The following ZMYM4 variants were observed in gnomAD, a reference collection of about 807,000 sequenced individuals.
ZMYM4 encodes the protein zinc finger MYM-type protein 4.
In ZMYM4, 31 loss-of-function variants were observed where a neutral mutation model predicts 183.2. The observed-to-expected ratio is 0.17, with a 90% CI of 0.13 to 0.23. The LOEUF (loss-of-function observed/expected upper bound fraction) is 0.23, where lower values mean the gene tolerates loss of function less well. Among genes scored for constraint, ZMYM4 ranks in the 10% least tolerant of loss-of-function variants. ZMYM4 has a pLI of 1.00. For synonymous variants in ZMYM4, 592 were observed against 631.2 expected (o/e 0.94, Z 0.93); for missense variants, 1,273 against 1,840.3 (o/e 0.69, Z 5.64).
rs138932582 is a variant in ZMYM4 at position 35,289,841 on chromosome 1, C to T, written c.39+20756C>T. On this transcript the variant is annotated intron_variant, in intron 1 of 29. Coordinates refer to ENST00000314607, the MANE Select transcript of ZMYM4 (RefSeq NM_005095.3). ...TGGTCCAGATACTTTTACCATATAT[C>T]CTAAAGACCTTTTTAGATTGTTGTA... 8.5e-5 allele frequency among the ~76,000 whole-genome samples: 13 copies of T among 152,216 alleles called. 2 individuals carry two copies. The highest frequency in any genetic ancestry group is 2.6e-4 in the African/African-American group (11 of 41,524).
intron 7 of ZMYM4, among the ~76,000 whole-genome samples, chr1:35,374,539 C>G (rs182803717): frequency 6.6e-6 from 1 of 151,888 alleles, no homozygotes; most frequent in African/African-American, 2.4e-5. Flanking sequence ...GTGGCATGCA[C>G]TTGTAGTCCC....
At chr1:35,337,352 A>C (rs1020315249) in intron 2 of ZMYM4, among the ~76,000 whole-genome samples, 6 of 151,914 alleles carry the variant, frequency 3.9e-5, no homozygotes, top group Non-Finnish European at 8.8e-5. Context: ...ACAGAGCAAG[A>C]CTCCAACTCA....
At chr1:35,351,495 C>G in intron 2 of ZMYM4, 3 of 1,526,338 alleles carry the variant, frequency 2.0e-6, no homozygotes, top group Non-Finnish European at 2.7e-6. Flanking sequence ...GCCCAAGAAA[C>G]AAAAAAGAAG....
intron 1 of ZMYM4, among the ~76,000 whole-genome samples, chr1:35,317,436 A>AAAAT (rs565764704): frequency 8.6e-4 from 131 of 152,178 alleles, no homozygotes; most frequent in African/African-American, 1.9e-3. Context: ...TCTGTCTCAA[A>AAAAT]AAATAAATAA....
chr1:35,298,258 A>G (rs941885594), intron 1 of ZMYM4, among the ~76,000 whole-genome samples: 1 of 152,152 alleles, frequency 6.6e-6, no homozygotes, highest in African/African-American at 2.4e-5. Flanking sequence ...AAATAAAAAT[A>G]TTAGCTGGAC....
intron 2 of ZMYM4, among the ~76,000 whole-genome samples, chr1:35,328,217 G>A (rs1487140603): frequency 6.6e-6 from 1 of 152,080 alleles, no homozygotes; most frequent in Non-Finnish European, 1.5e-5. Context: ...GGTACGTGGT[G>A]TTTCTCTGCT....
intron 2 of ZMYM4, among the ~76,000 whole-genome samples, chr1:35,344,489 A>T (rs191657555): frequency 1.4e-4 from 22 of 151,756 alleles, no homozygotes; most frequent in African/African-American, 5.3e-4. Flanking sequence ...TTTTTTATAG[A>T]TGCCCTCTCT....
At chr1:35,269,542 C>T (rs990804438) in intron 1 of ZMYM4, among the ~76,000 whole-genome samples, 5 of 152,044 alleles carry the variant, frequency 3.3e-5, no homozygotes, top group African/African-American at 1.2e-4. Flanking sequence ...CATTTTCCTG[C>T]CTCCTTTCCC....
intron 26 of ZMYM4, 99 bp from the exon 27 acceptor site, chr1:35,413,873 G>T: frequency 1.5e-6 from 1 of 681,438 alleles, no homozygotes; most frequent in Non-Finnish European, 2.4e-6. Flanking sequence ...ATATTGTAAG[G>T]GCAAAAATTA....
At chr1:35,351,301 A>G in intron 2 of ZMYM4, 1 of 1,580,922 alleles carries the variant, frequency 6.3e-7, no homozygotes, top group Non-Finnish European at 8.7e-7. Flanking sequence ...GCAGAAGTAC[A>G]CCGGAAGCAC....
chr1:35,346,081 A>T (rs144820549), intron 2 of ZMYM4, among the ~76,000 whole-genome samples: 6 of 152,210 alleles, frequency 3.9e-5, no homozygotes, highest in Non-Finnish European at 8.8e-5. Flanking sequence ...AATGTCTGCA[A>T]AGTTCATCCA....
rs1375299521 is a variant in ZMYM4, at chr1:35,389,667, A to C, written c.2437-281A>C. On this transcript the variant is annotated intron_variant, in intron 14 of 29. Transcript: ENST00000314607. The surrounding 1 kb of genome is among the most constrained non-coding windows in gnomAD (Gnocchi z 4.0). ...CTACCTGGGAGGCTGAGGCAGGAGA[A>C]TTGCATGAACCCAGGAGGTGGAGCT... is the stretch of plus-strand genomic sequence containing the variant. Among the ~76,000 whole-genome samples, 1 of 151,690 alleles carries C rather than the reference A, an allele frequency of 6.6e-6. No homozygotes were observed. The highest frequency in any genetic ancestry group is 1.5e-5 in the Non-Finnish European group (1 of 67,916).
chr1:35,411,396 C>A (rs1264186266), intron 26 of ZMYM4, among the ~76,000 whole-genome samples: 3 of 151,796 alleles, frequency 2.0e-5, no homozygotes, highest in Non-Finnish European at 4.4e-5. Context: ...ACCTTGTGAT[C>A]CGCCTGCCTC....
At chr1:35,287,761 A>G (rs1260767373) in intron 1 of ZMYM4, among the ~76,000 whole-genome samples, 1 of 152,062 alleles carries the variant, frequency 6.6e-6, no homozygotes, top group African/African-American at 2.4e-5. Context: ...ATGCGCCACC[A>G]TGCCTGGCTA....
rs1188621 is a variant in ZMYM4, at chr1:35,392,694, A to G, written c.2766+10A>G. 8.7e-4 allele frequency: 1,387 copies of G among 1,590,644 alleles called. 9 individuals are homozygous for G. In the African/African-American group the frequency reaches 0.015, roughly 18 times the overall value. On this transcript the variant is annotated intron_variant, in intron 17 of 29. Coordinates refer to ENST00000314607, the MANE Select transcript of ZMYM4 (RefSeq NM_005095.3). ...GAAAATCATCGGTGATGTAAGTTTT[A>G]TTACTTTTATTGGTATTGTCACTGT...
At chr1:35,274,517 G>A (rs1265893050) in intron 1 of ZMYM4, among the ~76,000 whole-genome samples, 2 of 151,620 alleles carry the variant, frequency 1.3e-5, no homozygotes, top group Non-Finnish European at 2.9e-5. Context: ...TTGCTTGGAG[G>A]ATTGCTTGAG....
chr1:35,414,413 G>A (rs1408152001), intron 27 of ZMYM4, among the ~76,000 whole-genome samples: 1 of 152,174 alleles, frequency 6.6e-6, no homozygotes, highest in Non-Finnish European at 1.5e-5. Context: ...TAGTTTGTAT[G>A]TATACTGAAC....
At chr1:35,271,045 T>A (rs1163373704) in intron 1 of ZMYM4, among the ~76,000 whole-genome samples, 1 of 152,214 alleles carries the variant, frequency 6.6e-6, no homozygotes, top group Non-Finnish European at 1.5e-5. Context: ...TTTGAAATTT[T>A]AAAATTTTCA....
intron 2 of ZMYM4, chr1:35,351,504 A>G: frequency 6.7e-7 from 1 of 1,489,724 alleles, no homozygotes; most frequent in Non-Finnish European, 9.2e-7. Context: ...ACAAAAAAGA[A>G]GAGGTGGAAC....
Sources: gnomAD v4.1 joint callset for allele counts (sites outside exome capture counted in the v4.1 genomes callset) on GRCh38, gnomAD v4.1.1 for gene constraint, Gnocchi (gnomAD v3.1) non-coding constraint, MANE v1.5 for transcripts, NCBI Gene and HGNC (gene_info 2026-07-23, HGNC 2026-07-21) for gene names.